Variants in MAPK4 observed in about 807,000 individuals in gnomAD.
MAPK4 encodes the protein Erk3-related.
In MAPK4, 22 loss-of-function variants were observed where a neutral mutation model predicts 47.7. The ratio of observed to expected loss-of-function variants is 0.46; its 90% CI spans 0.33 to 0.66. MAPK4 has a LOEUF of 0.66. Among genes scored for constraint, MAPK4 ranks in the 30% least tolerant of loss-of-function variants. The pLI is 0.02. For synonymous variants in MAPK4, 390 were observed against 365.7 expected (o/e 1.07, Z -0.76); for missense variants, 736 against 831.7 (o/e 0.88, Z 1.42).
chr18:50,705,458 C>G, intron 2 of MAPK4: 1 of 152,148 alleles, frequency 6.6e-6, no homozygotes, highest in Admixed American at 6.5e-5. Context: ...CAGTAATATC[C>G]CCAAATGTAA....
Position 50,690,222 on chromosome 18 carries a change from C to CT in MAPK4, c.547-24852dup, listed in dbSNP as rs1351626470. ...GCTCTGGCCTTGCTTCTTCCCAGGG[C>CT]TTTTTCCTTACAAATAGTAGAAAAG... On this transcript the variant is annotated intron_variant, in intron 2 of 5. Transcript: ENST00000400384. Among the ~76,000 whole-genome samples the CT allele has an allele frequency of 2.0e-5, 3 of 152,340 alleles. No homozygotes were observed. In the East Asian group the frequency reaches 5.8e-4, roughly 29 times the overall value.
At chr18:50,716,144 G>T (rs911508582) in intron 3 of MAPK4, among the ~76,000 whole-genome samples, 1 of 151,996 alleles carries the variant, frequency 6.6e-6, no homozygotes, top group African/African-American at 2.4e-5. Flanking sequence ...TCTTTGCTAG[G>T]AAGAGCACTT....
chr18:50,729,240 G>A lies in MAPK4; in HGVS notation c.1150G>A (p.Ala384Thr), dbSNP rs1226375797. 3.1e-6 allele frequency: 5 copies of A among 1,607,956 alleles called. No homozygotes were observed. Among genetic ancestry groups the A allele is most frequent in the African/African-American group, 1.3e-5 (1 of 74,794 alleles). The change falls in exon 6 of 6, where the codon GCG (alanine) becomes ACG (threonine). Residue 384 changes from alanine to threonine, a missense_variant. Around this residue, in one of 3 missense-constraint regions of MAPK4, gnomAD observed 377 missense variants for 378.6 expected, o/e 1.00. Transcript: ENST00000400384. The part of the protein sequence containing the change: ...DASEVQRDPR[A>T]GSAPLAEDVQ... Reference sequence around the variant, plus strand: ...CAGCGAGGTACAGCGCGACCCGCGCGCGGGTTCGGCGCCACTGGCTGAGGA... The same window carrying A: ...CAGCGAGGTACAGCGCGACCCGCGCACGGGTTCGGCGCCACTGGCTGAGGA...
At chr18:50,580,881 A>G (rs1362382874) in intron 1 of MAPK4, among the ~76,000 whole-genome samples, 1 of 152,208 alleles carries the variant, frequency 6.6e-6, no homozygotes, top group African/African-American at 2.4e-5. Context: ...TCTGCCTGGC[A>G]TCAGGTAGTA....
chr18:50,591,518 G>T (rs1386650296), intron 1 of MAPK4, among the ~76,000 whole-genome samples: 2 of 150,620 alleles, frequency 1.3e-5, no homozygotes, highest in Non-Finnish European at 3.0e-5. Context: ...TCTAAAACAT[G>T]CATTGTTGCC....
At chr18:50,639,311 C>G (rs116695952) in intron 1 of MAPK4, among the ~76,000 whole-genome samples, 2,643 of 152,274 alleles carry the variant, frequency 0.017, 79 homozygotes, top group African/African-American at 0.06. Context: ...AGACAGAAAT[C>G]TGTCATCTGC....
intron 1 of MAPK4, among the ~76,000 whole-genome samples, chr18:50,587,589 C>T (rs543371156): frequency 1.3e-5 from 2 of 152,250 alleles, no homozygotes; most frequent in African/African-American, 4.8e-5. Context: ...TAGGGGCAGC[C>T]CCTCCATGAA....
At chr18:50,657,191 T>C (rs1249017591) in intron 1 of MAPK4, among the ~76,000 whole-genome samples, 1 of 152,214 alleles carries the variant, frequency 6.6e-6, no homozygotes, top group Non-Finnish European at 1.5e-5. Flanking sequence ...CCCTTAGGCT[T>C]GTTGACCAGA....
At chr18:50,725,473 A>T (rs898340836) in intron 4 of MAPK4, among the ~76,000 whole-genome samples, 1 of 152,194 alleles carries the variant, frequency 6.6e-6, no homozygotes, top group Non-Finnish European at 1.5e-5. Context: ...AGCCATGACA[A>T]AGGGAAGTTG....
intron 1 of MAPK4, among the ~76,000 whole-genome samples, chr18:50,599,016 A>G (rs951388828): frequency 6.6e-6 from 1 of 152,134 alleles, no homozygotes; most frequent in Non-Finnish European, 1.5e-5. Context: ...TCCCCTCTGA[A>G]GTTATTATTT....
rs146297160 is a variant in MAPK4 at position 50,651,129 on chromosome 18, G to A, written c.-870-11960G>A. Among the ~76,000 whole-genome samples the A allele has an allele frequency of 5.1e-3, 770 of 152,346 alleles. 2 individuals carry two copies. Among genetic ancestry groups the A allele is most frequent in the Admixed American group, 0.012 (191 of 15,302 alleles). ...TTCAGCATGAAATCAAACCAGCAAGGAACGCAGGTGCTGCTGGGGAGACTG... is the reference window on the plus strand; with the variant it reads ...TTCAGCATGAAATCAAACCAGCAAGAAACGCAGGTGCTGCTGGGGAGACTG... On this transcript the variant is annotated intron_variant, in intron 1 of 5. Coordinates refer to ENST00000400384, the MANE Select transcript of MAPK4 (RefSeq NM_002747.4).
intron 1 of MAPK4, among the ~76,000 whole-genome samples, chr18:50,657,458 G>A (rs2043121790): frequency 6.6e-6 from 1 of 152,138 alleles, no homozygotes; most frequent in Admixed American, 6.5e-5. Flanking sequence ...AGAAGCTGAG[G>A]CCGGAGTCAT....
intron 5 of MAPK4, among the ~76,000 whole-genome samples, chr18:50,727,167 C>T (rs776212755): frequency 2.6e-5 from 4 of 152,192 alleles, no homozygotes; most frequent in African/African-American, 4.8e-5. Context: ...CCTGTTCTGA[C>T]GTTCTTAGAT....
At chr18:50,628,110 T>A (rs925049182) in intron 1 of MAPK4, among the ~76,000 whole-genome samples, 37 of 152,284 alleles carry the variant, frequency 2.4e-4, no homozygotes, top group African/African-American at 8.2e-4. Context: ...GAAGGCCTGC[T>A]TCCCATTGTA....
At chr18:50,632,729 C>T (rs918968884) in intron 1 of MAPK4, among the ~76,000 whole-genome samples, 1 of 150,450 alleles carries the variant, frequency 6.6e-6, no homozygotes, top group South Asian at 2.1e-4. Flanking sequence ...AAGCAATTCT[C>T]CTGCCTCAGG....
chr18:50,592,139 A>G (rs1020108754), intron 1 of MAPK4, among the ~76,000 whole-genome samples: 4 of 152,198 alleles, frequency 2.6e-5, no homozygotes, highest in Non-Finnish European at 5.9e-5. Context: ...GAAAGCTTGT[A>G]GACCTTGCCT....
chr18:50,676,347 G>A (rs938913878), intron 2 of MAPK4, among the ~76,000 whole-genome samples: 2 of 152,178 alleles, frequency 1.3e-5, no homozygotes, highest in Non-Finnish European at 2.9e-5. Flanking sequence ...CAAAGGCCTA[G>A]CCACTAGACA....
rs1220154168 is a variant in MAPK4 at position 50,729,434 on chromosome 18, G to A, written c.1344G>A (p.Pro448=). 6.5e-7 allele frequency: 1 copy of A among 1,543,650 alleles called. No homozygotes were observed. The highest frequency in any genetic ancestry group is 2.4e-5 in the East Asian group (1 of 42,026). ...LDKLLWRDNK[P]HHYSEPKLIL... ...AGCTGCTGTGGCGCGACAACAAGCC[G>A]CACCACTACTCGGAGCCCAAGCTCA... The change falls in exon 6 of 6, where the codon CCG becomes CCA. Residue 448 remains proline (P), a synonymous_variant. Transcript: ENST00000400384.
chr18:50,580,900 A>T (rs2042337612), intron 1 of MAPK4, among the ~76,000 whole-genome samples: 1 of 152,150 alleles, frequency 6.6e-6, no homozygotes, highest in East Asian at 1.9e-4. Flanking sequence ...TAGCTGGATG[A>T]TATACTGAGA....
Sources: gnomAD v4.1 joint callset for allele counts (sites outside exome capture counted in the v4.1 genomes callset) on GRCh38, gnomAD v4.1.1 for gene constraint, gnomAD v4.1.1 regional missense constraint, MANE v1.5 for transcripts, NCBI Gene and HGNC (gene_info 2026-07-23, HGNC 2026-07-21) for gene names.